Variants in BCL7A observed in about 807,000 individuals in gnomAD.
BCL7A encodes BAF chromatin remodeling complex subunit BCL7A, also known as B-cell CLL/lymphoma 7 protein family member A.
A neutral mutation model predicts 28.4 loss-of-function variants in BCL7A; 11 were observed. The ratio of observed to expected loss-of-function variants is 0.39; its 90% CI spans 0.24 to 0.64. BCL7A has a LOEUF of 0.64. Among genes scored for constraint, BCL7A ranks in the 30% least tolerant of loss-of-function variants. The pLI is 0.50. For synonymous variants in BCL7A, 123 were observed against 103.3 expected (o/e 1.19, Z -1.15); for missense variants, 222 against 274.8 (o/e 0.81, Z 1.36).
At chr12:122,034,028 C>T (rs1179658699) in intron 2 of BCL7A, among the ~76,000 whole-genome samples, 1 of 151,212 alleles carries the variant, frequency 6.6e-6, no homozygotes, top group Non-Finnish European at 1.5e-5. Context: ...CCAGTTCTCG[C>T]CCCTGGAGGC....
rs1883465885 is a variant in BCL7A, at chr12:122,021,953, T to TGTGA, written c.-136_-135insAGTG. 1 of 596,254 alleles carries TGTGA rather than the reference T, an allele frequency of 1.7e-6. No individual in the cohort carries two copies. Among genetic ancestry groups the TGTGA allele is most frequent in the Non-Finnish European group, 3.0e-6 (1 of 334,306 alleles). 36.9% of individuals were successfully genotyped at this position (596,254 alleles called of 1,614,324 possible). The stretch of plus-strand genomic sequence containing the variant: ...GTATGTGTGTGTGTGTGTGTGTGTG[T>TGTGA]GTGTGAGTGTGTGCGTGTGAGAGTG... On this transcript the variant is annotated 5_prime_UTR_variant, in exon 1 of 6. It removes the in-frame stop codon of an upstream open reading frame in the 5' UTR. Transcript: ENST00000261822.
intron 1 of BCL7A, 122 bp from the exon 2 acceptor site, chr12:122,030,578 G>T (rs1420807678): frequency 2.3e-6 from 2 of 884,286 alleles, no homozygotes; most frequent in Non-Finnish European, 3.7e-6. Flanking sequence ...AGTGAGGGTG[G>T]AGCTGGGATT....
rs139289326 is a variant in BCL7A, at chr12:122,051,366, C to T, written c.440-3439C>T. Among the ~76,000 whole-genome samples, 22 of 152,318 alleles carry T rather than the reference C, an allele frequency of 1.4e-4. 1 individual carries two copies. The East Asian group carries it at 3.7e-3, about 25-fold the overall frequency. Reference sequence around the variant, plus strand: ...TGCTGTCTGCCGGGATGGGGCAGGTCGGCCACCAGCTGTTGACCTTGCTTT... The same window carrying T: ...TGCTGTCTGCCGGGATGGGGCAGGTTGGCCACCAGCTGTTGACCTTGCTTT... On this transcript the variant is annotated intron_variant, in intron 4 of 5. Coordinates refer to ENST00000261822, the MANE Select transcript of BCL7A (RefSeq NM_001024808.3).
chr12:122,043,406 G>C (rs1386290775), intron 3 of BCL7A, among the ~76,000 whole-genome samples: 1 of 134,486 alleles, frequency 7.4e-6, no homozygotes, highest in African/African-American at 2.7e-5. Context: ...TGCTTGGGTG[G>C]GTGGGTGGGT....
chr12:122,037,117 G>T (rs762642404), intron 3 of BCL7A, among the ~76,000 whole-genome samples: 1 of 152,158 alleles, frequency 6.6e-6, no homozygotes, highest in Admixed American at 6.5e-5. Flanking sequence ...GTGCTCCCTC[G>T]AGGCAAGGGC....
intron 4 of BCL7A, among the ~76,000 whole-genome samples, chr12:122,049,307 G>A (rs1884144499): frequency 6.6e-6 from 1 of 151,810 alleles, no homozygotes; most frequent in Non-Finnish European, 1.5e-5. Flanking sequence ...TCAAAATAGG[G>A]AGTGTTGGGA....
At chr12:122,038,070 G>T (rs1475209279) in intron 3 of BCL7A, among the ~76,000 whole-genome samples, 1 of 150,512 alleles carries the variant, frequency 6.6e-6, no homozygotes, top group South Asian at 2.1e-4. Flanking sequence ...GCAGTGAGCC[G>T]AGATCGCACC....
At chr12:122,032,678 T>G (rs1437160860) in intron 2 of BCL7A, among the ~76,000 whole-genome samples, 5 of 152,124 alleles carry the variant, frequency 3.3e-5, no homozygotes, top group African/African-American at 1.2e-4. Flanking sequence ...GGGCCTTAGT[T>G]CCCTCTTTTG....
At chr12:122,026,282 A>G (rs1195576743) in intron 1 of BCL7A, among the ~76,000 whole-genome samples, 6 of 151,792 alleles carry the variant, frequency 4.0e-5, no homozygotes, top group East Asian at 3.9e-4. Flanking sequence ...AAAAAAAAAA[A>G]AAAGAAAAAA....
chr12:122,041,697 G>T (rs1011376144), intron 3 of BCL7A, among the ~76,000 whole-genome samples: 9 of 152,158 alleles, frequency 5.9e-5, no homozygotes, highest in African/African-American at 2.2e-4. Flanking sequence ...CTAGGAGTTC[G>T]AGGCTGCAGT....
intron 1 of BCL7A, 129 bp downstream of exon 1, chr12:122,022,312 T>TG (rs1380696202): frequency 7.5e-5 from 31 of 414,684 alleles, no homozygotes; most frequent in Non-Finnish European, 1.9e-5. Context: ...CCCCGGGACT[T>TG]GGCGAGGGCG....
At chr12:122,045,410 C>T (rs999705615) in intron 4 of BCL7A, among the ~76,000 whole-genome samples, 3 of 151,830 alleles carry the variant, frequency 2.0e-5, no homozygotes, top group Non-Finnish European at 2.9e-5. Flanking sequence ...AATAATAATA[C>T]GGGGTCAGAC....
chr12:122,024,648 G>A (rs1295914200), intron 1 of BCL7A, among the ~76,000 whole-genome samples: 1 of 152,070 alleles, frequency 6.6e-6, no homozygotes, highest in African/African-American at 2.4e-5. Flanking sequence ...CACTGGTGGG[G>A]GGGTGGGGTT....
chr12:122,022,732 C>A (rs1450245810), intron 1 of BCL7A, among the ~76,000 whole-genome samples: 3 of 149,694 alleles, frequency 2.0e-5, no homozygotes, highest in Non-Finnish European at 4.5e-5. Context: ...CTCCCGGGCC[C>A]GGCGCCCTCG....
chr12:122,039,492 AT>A (rs1883924780), intron 3 of BCL7A, among the ~76,000 whole-genome samples: 1 of 4,264 alleles, frequency 2.3e-4, no homozygotes, highest in Non-Finnish European at 5.0e-4. Context: ...TCTCTTAAAT[AT>A]ATATATATAT....
At chr12:122,030,626 C>A in intron 1 of BCL7A, 74 bp from the exon 2 acceptor site, 1 of 1,386,444 alleles carries the variant, frequency 7.2e-7, no homozygotes, top group Admixed American at 1.7e-5. Context: ...TTGCTCTCAG[C>A]CCCAAGGGAG....
chr12:122,055,114 G>T, intron 5 of BCL7A, 188 bp downstream of exon 5: 1 of 1,177,162 alleles, frequency 8.5e-7, no homozygotes, highest in African/African-American at 1.5e-5. Context: ...CTCTGGGGCC[G>T]AGGGATAATG....
At chr12:122,028,165 C>T (rs182681567) in intron 1 of BCL7A, among the ~76,000 whole-genome samples, 9 of 152,320 alleles carry the variant, frequency 5.9e-5, no homozygotes, top group African/African-American at 2.2e-4. Flanking sequence ...AGAGTCCCCT[C>T]AATGTCCACA....
At chr12:122,023,408 T>G (rs538891554) in intron 1 of BCL7A, among the ~76,000 whole-genome samples, 1 of 152,140 alleles carries the variant, frequency 6.6e-6, no homozygotes, top group African/African-American at 2.4e-5. Context: ...GTGTCGTTTC[T>G]CGAGTAGCGC....
Sources: gnomAD v4.1 joint callset for allele counts (sites outside exome capture counted in the v4.1 genomes callset) on GRCh38, gnomAD v4.1.1 for gene constraint, MANE v1.5 for transcripts, NCBI Gene and HGNC (gene_info 2026-07-23, HGNC 2026-07-21) for gene names.